DPF3: variants seen among roughly 807,000 people sequenced by gnomAD.
The protein encoded by DPF3 is zinc finger protein DPF3.
In DPF3, 18 loss-of-function variants were observed where a neutral mutation model predicts 56.8. The observed-to-expected ratio is 0.32, with a 90% CI of 0.22 to 0.47. The LOEUF (loss-of-function observed/expected upper bound fraction) is 0.47. Among genes scored for constraint, DPF3 ranks in the 20% least tolerant of loss-of-function variants. The pLI is 1.00. For synonymous variants in DPF3, 188 were observed against 180.2 expected (o/e 1.04, Z -0.35); for missense variants, 403 against 488.8 (o/e 0.82, Z 1.65).
At chr14:72,828,915 A>G (rs1883933682) in intron 1 of DPF3, among the ~76,000 whole-genome samples, 1 of 152,194 alleles carries the variant, frequency 6.6e-6, no homozygotes, top group Admixed American at 6.5e-5. Flanking sequence ...CCAAAATAGA[A>G]TTCGCAGGAC....
At chr14:72,820,916 G>A (rs1883502047) in intron 1 of DPF3, among the ~76,000 whole-genome samples, 1 of 151,992 alleles carries the variant, frequency 6.6e-6, no homozygotes, top group South Asian at 2.1e-4. Flanking sequence ...CAGATGACTT[G>A]AGACCAGGAG....
At chr14:72,777,609 G>A (rs2139956144) in intron 1 of DPF3, among the ~76,000 whole-genome samples, 1 of 152,310 alleles carries the variant, frequency 6.6e-6, no homozygotes, top group South Asian at 2.1e-4. Context: ...AACTCTGGGG[G>A]TGGGGCCTAG....
chr14:72,876,471 C>T (rs945832738), intron 1 of DPF3, among the ~76,000 whole-genome samples: 3 of 152,058 alleles, frequency 2.0e-5, no homozygotes, highest in South Asian at 2.1e-4. Context: ...ACTGCCAAAC[C>T]GGGACTCTGC....
chr14:72,637,154 G>C lies in DPF3; in HGVS notation c.872-7418C>G, dbSNP rs1316354505. On this transcript the variant is annotated intron_variant, in intron 8 of 10. Coordinates refer to ENST00000556509, the MANE Select transcript of DPF3 (RefSeq NM_001280542.3). Reference sequence around the variant, plus strand: ...CTTTTAATAGGCTAAACAGCCAAGGGCTCATGGCGCCATTCTCAAATGGTC... The same window carrying C: ...CTTTTAATAGGCTAAACAGCCAAGGCCTCATGGCGCCATTCTCAAATGGTC... Among the ~76,000 whole-genome samples, 5 of 152,138 alleles carry C rather than the reference G, an allele frequency of 3.3e-5. No individual in the cohort carries two copies. In the East Asian group the frequency reaches 9.6e-4, roughly 29 times the overall value.
intron 3 of DPF3, among the ~76,000 whole-genome samples, chr14:72,752,530 G>A (rs1890621706): frequency 6.6e-6 from 1 of 152,184 alleles, no homozygotes; most frequent in African/African-American, 2.4e-5. Flanking sequence ...GGGAGTGGTG[G>A]TGCACATTTG....
At chr14:72,881,388 A>T (rs1327536914) in intron 1 of DPF3, among the ~76,000 whole-genome samples, 1 of 152,142 alleles carries the variant, frequency 6.6e-6, no homozygotes, top group Admixed American at 6.5e-5. Context: ...GCTAAGAGGC[A>T]GGTGAGACTG....
At chr14:72,808,357 C>T (rs1271325766) in intron 1 of DPF3, among the ~76,000 whole-genome samples, 1 of 152,178 alleles carries the variant, frequency 6.6e-6, no homozygotes, top group Non-Finnish European at 1.5e-5. Context: ...AAGAAGAAAC[C>T]TTAACTGAGT....
chr14:72,688,581 A>C (rs1291381328), intron 7 of DPF3, among the ~76,000 whole-genome samples: 2 of 152,134 alleles, frequency 1.3e-5, no homozygotes, highest in East Asian at 3.9e-4. Context: ...ACTCTACCCC[A>C]CTGGGGCTCC....
chr14:72,685,576 A>C (rs933087276), intron 7 of DPF3, among the ~76,000 whole-genome samples: 2 of 152,366 alleles, frequency 1.3e-5, no homozygotes, highest in African/African-American at 4.8e-5. Flanking sequence ...TAAGTGGTAC[A>C]TGACTCATGA....
intron 6 of DPF3, among the ~76,000 whole-genome samples, chr14:72,702,934 C>CG (rs771757831): frequency 6.6e-6 from 1 of 152,116 alleles, no homozygotes; most frequent in Non-Finnish European, 1.5e-5. Flanking sequence ...TTCTAGAGAC[C>CG]GGGGGTCTGG....
intron 1 of DPF3, chr14:72,836,516 G>T: frequency 3.0e-6 from 3 of 985,418 alleles, no homozygotes; most frequent in Non-Finnish European, 3.6e-6. Flanking sequence ...TGACCACCTC[G>T]TGGGGAGATT....
In DPF3 at chr14:72,838,908, C is replaced by CTTTTTTTTTTTTTTTTTTTTTTTTTTT. The variant is rs376458640; in HGVS notation, c.32+55122_32+55148dup. Among the ~76,000 whole-genome samples, 8 of 78,618 alleles carry CTTTTTTTTTTTTTTTTTTTTTTTTTTT rather than the reference C, an allele frequency of 1.0e-4. 1 individual carries two copies. The highest frequency in any genetic ancestry group is 4.9e-4 in the African/African-American group (7 of 14,392). 51.6% of individuals were successfully genotyped at this position (78,618 alleles called of 152,430 possible). On this transcript the variant is annotated intron_variant, in intron 1 of 10. Coordinates refer to ENST00000556509, the MANE Select transcript of DPF3 (RefSeq NM_001280542.3). The stretch of plus-strand genomic sequence containing the variant: ...TATCATATATATTATCATATATATT[C>CTTTTTTTTTTTTTTTTTTTTTTTTTTT]TTTTTTTTTTTTTTTTTTTTTTTTT...
At chr14:72,674,527 C>G (rs144439778) in intron 7 of DPF3, among the ~76,000 whole-genome samples, 159 bp from the exon 8 acceptor site, 2 of 152,160 alleles carry the variant, frequency 1.3e-5, no homozygotes, top group Non-Finnish European at 2.9e-5. Context: ...TGGATCCTTC[C>G]GGGTTTAATG....
chr14:72,780,109 G>A (rs1279367299), intron 1 of DPF3, among the ~76,000 whole-genome samples: 1 of 152,180 alleles, frequency 6.6e-6, no homozygotes, highest in Non-Finnish European at 1.5e-5. Context: ...TGACCCCCCT[G>A]CATATATGAA....
In DPF3 at chr14:72,698,502, CTACAAAAAATACAAAAAT is replaced by C. The variant is rs546434103; in HGVS notation, c.605-5307_605-5290del. On this transcript the variant is annotated intron_variant, in intron 6 of 10. Transcript: ENST00000556509. The stretch of plus-strand genomic sequence containing the variant: ...AAGACCAGCCTAGGCAACATGGTCT[CTACAAAAAATACAAAAAT>C]TACAAAAAATACAAAAATTAGCCAC... 2.2e-3 allele frequency among the ~76,000 whole-genome samples: 339 copies of C among 152,212 alleles called. 1 individual carries two copies. The highest frequency in any genetic ancestry group is 6.8e-3 in the Middle Eastern group (2 of 294).
chr14:72,803,753 C>A (rs371790960), intron 1 of DPF3, among the ~76,000 whole-genome samples: 2 of 152,216 alleles, frequency 1.3e-5, no homozygotes, highest in South Asian at 4.1e-4. Context: ...TGAATGAATG[C>A]GTGAACACAT....
At chr14:72,720,800 T>C (rs1889138589) in intron 5 of DPF3, among the ~76,000 whole-genome samples, 1 of 152,134 alleles carries the variant, frequency 6.6e-6, no homozygotes, top group Admixed American at 6.5e-5. Flanking sequence ...TAGTACCAGC[T>C]TGTGGAAATG....
chr14:72,716,994 C>G lies in DPF3; in HGVS notation c.526-2493G>C, dbSNP rs530958824. Among the ~76,000 whole-genome samples the G allele has an allele frequency of 3.3e-5, 5 of 152,298 alleles. No individual in the cohort carries two copies. The South Asian group carries it at 1.0e-3, about 32-fold the overall frequency. On this transcript the variant is annotated intron_variant, in intron 5 of 10. Transcript: ENST00000556509. The stretch of plus-strand genomic sequence containing the variant: ...TAGTCCATCCCAAGGGACTTTCAGA[C>G]CATTAGACAAAGGGATGAAAGACAG...
intron 1 of DPF3, among the ~76,000 whole-genome samples, chr14:72,872,240 C>T: frequency 6.6e-6 from 1 of 151,980 alleles, no homozygotes; most frequent in Non-Finnish European, 1.5e-5. Context: ...CTTCTTTTAC[C>T]TCCTGGGCCT....
Sources: allele counts gnomAD v4.1 joint callset (sites outside exome capture counted in the v4.1 genomes callset), GRCh38; gene constraint gnomAD v4.1.1; transcripts MANE v1.5; gene names NCBI Gene and HGNC (gene_info 2026-07-23, HGNC 2026-07-21).